DPP10: variants seen among roughly 807,000 people sequenced by gnomAD.
DPP10 encodes inactive dipeptidyl peptidase 10.
In DPP10, 33 loss-of-function variants were observed where a neutral mutation model predicts 120.9. The observed-to-expected ratio is 0.27, with a 90% CI of 0.21 to 0.37. DPP10 has a LOEUF of 0.37. Among genes scored for constraint, DPP10 ranks in the 10% least tolerant of loss-of-function variants. The pLI is 1.00. For synonymous variants in DPP10, 337 were observed against 326.1 expected, an observed-to-expected ratio of 1.03 and a Z score of -0.36; for missense variants, 816 against 942.8, an observed-to-expected ratio of 0.87 and a Z score of 1.76.
At chr2:115,471,755 CT>C (rs1448764090) in intron 3 of DPP10, among the ~76,000 whole-genome samples, 1 of 133,282 alleles carries the variant, frequency 7.5e-6, no homozygotes, top group Non-Finnish European at 1.6e-5. Flanking sequence ...CCAGACTAGT[CT>C]TTTTTTGTTT....
intron 4 of DPP10, among the ~76,000 whole-genome samples, chr2:115,520,695 C>T (rs1276816581): frequency 6.6e-6 from 1 of 152,100 alleles, no homozygotes; most frequent in Non-Finnish European, 1.5e-5. Context: ...TCTCATTCTG[C>T]CTTCACTCAG....
chr2:115,393,866 G>A (rs1300749824), intron 3 of DPP10, among the ~76,000 whole-genome samples: 2 of 152,164 alleles, frequency 1.3e-5, no homozygotes, highest in Non-Finnish European at 2.9e-5. Context: ...ATACATTAGG[G>A]TACTTGGACA....
chr2:114,669,908 CACATGAAAAAAT>C (rs1164586090), intron 1 of DPP10, among the ~76,000 whole-genome samples: 11 of 152,136 alleles, frequency 7.2e-5, no homozygotes, highest in Middle Eastern at 3.4e-3. Context: ...AGCCAAAAGA[CACATGAAAAAAT>C]GCTCATCATC....
At chr2:114,554,229 A>G (rs1313738482) in intron 1 of DPP10, among the ~76,000 whole-genome samples, 1 of 152,204 alleles carries the variant, frequency 6.6e-6, no homozygotes, top group Admixed American at 6.5e-5. Context: ...AAATATCAAG[A>G]TACCTTAAGG....
intron 1 of DPP10, among the ~76,000 whole-genome samples, chr2:114,465,071 T>C (rs1679243814): frequency 6.6e-6 from 1 of 152,138 alleles, no homozygotes; most frequent in Non-Finnish European, 1.5e-5. Flanking sequence ...TTGCGTTCTG[T>C]ATAGAGTACA....
intron 1 of DPP10, among the ~76,000 whole-genome samples, chr2:114,923,475 T>G (rs1434794970): frequency 1.5e-5 from 1 of 68,306 alleles, no homozygotes; most frequent in Non-Finnish European, 2.8e-5. Flanking sequence ...TTTTTTCCTT[T>G]TTTTTTTTTT....
At chr2:114,493,148 G>T (rs1385005243) in intron 1 of DPP10, among the ~76,000 whole-genome samples, 9 of 152,318 alleles carry the variant, frequency 5.9e-5, no homozygotes, top group Non-Finnish European at 8.8e-5. Context: ...TTCAAATACA[G>T]GAATGCACAG....
At chr2:115,821,196 G>T (rs868214860) in intron 21 of DPP10, among the ~76,000 whole-genome samples, 17 of 152,096 alleles carry the variant, frequency 1.1e-4, no homozygotes, top group Non-Finnish European at 2.1e-4. Flanking sequence ...TCAGGAAGGT[G>T]CATTAAAGTA....
At chr2:115,549,813 C>A (rs1425389326) in intron 5 of DPP10, among the ~76,000 whole-genome samples, 1 of 152,118 alleles carries the variant, frequency 6.6e-6, no homozygotes, top group African/African-American at 2.4e-5. Flanking sequence ...GGCTTGTCTC[C>A]CTCTCTAGTT....
chr2:114,454,737 G>A (rs1011516504), intron 1 of DPP10, among the ~76,000 whole-genome samples: 4 of 151,898 alleles, frequency 2.6e-5, no homozygotes, highest in African/African-American at 4.8e-5. Context: ...TCAGGAAGAC[G>A]ACTTGCTTTG....
chr2:115,459,153 G>A (rs1160895467), intron 3 of DPP10, among the ~76,000 whole-genome samples: 1 of 151,656 alleles, frequency 6.6e-6, no homozygotes, highest in Non-Finnish European at 1.5e-5. Flanking sequence ...TTCATCTTGT[G>A]AGTTTGATTT....
intron 1 of DPP10, among the ~76,000 whole-genome samples, chr2:114,519,866 A>G (rs1684906963): frequency 6.6e-6 from 1 of 152,210 alleles, no homozygotes; most frequent in African/African-American, 2.4e-5. Flanking sequence ...TACAAAATAT[A>G]CCCTTACTCA....
chr2:115,672,905 C>T (rs1157608613), intron 5 of DPP10, among the ~76,000 whole-genome samples: 1 of 151,746 alleles, frequency 6.6e-6, no homozygotes, highest in African/African-American at 2.4e-5. Flanking sequence ...TGCCACCACA[C>T]CTGGCTAAGT....
intron 1 of DPP10, among the ~76,000 whole-genome samples, chr2:114,721,755 C>T (rs1701718638): frequency 6.6e-6 from 1 of 152,178 alleles, no homozygotes; most frequent in African/African-American, 2.4e-5. Context: ...CACATGATTC[C>T]AGATACAGAC....
intron 1 of DPP10, among the ~76,000 whole-genome samples, chr2:114,654,652 T>G (rs183125177): frequency 6.6e-6 from 1 of 152,326 alleles, no homozygotes; most frequent in East Asian, 1.9e-4. Flanking sequence ...ATGACTTTTT[T>G]TTTCTTTTGA....
chr2:114,569,207 A>G (rs148294149), intron 1 of DPP10, among the ~76,000 whole-genome samples: 105 of 151,974 alleles, frequency 6.9e-4, no homozygotes, highest in African/African-American at 2.4e-3. Context: ...TGTAGATTTT[A>G]GTTACTAATT....
At chr2:114,998,460 A>G (rs1980005) in intron 1 of DPP10, among the ~76,000 whole-genome samples, 146,107 of 152,226 alleles carry the variant, frequency 0.96, 70,426 homozygotes, top group Middle Eastern at 1. Context: ...TTTTAAAAGG[A>G]GCTGATCAAA....
At chr2:114,475,835 A>G (rs958119724) in intron 1 of DPP10, among the ~76,000 whole-genome samples, 2 of 152,318 alleles carry the variant, frequency 1.3e-5, no homozygotes, top group Admixed American at 6.5e-5. Context: ...GGGTGGATCA[A>G]TAGGAACTCT....
chr2:115,646,952 G>A (rs2087318309), intron 5 of DPP10, among the ~76,000 whole-genome samples: 1 of 152,042 alleles, frequency 6.6e-6, no homozygotes, highest in Non-Finnish European at 1.5e-5. Flanking sequence ...TTCGTTTGAG[G>A]TCACCAAAAC....
Sources: allele counts gnomAD v4.1 joint callset (sites outside exome capture counted in the v4.1 genomes callset), GRCh38; gene constraint gnomAD v4.1.1; transcripts MANE v1.5; gene names NCBI Gene and HGNC (gene_info 2026-07-23, HGNC 2026-07-21).